Variants in HMCN1 observed in about 807,000 individuals in gnomAD.
HMCN1 encodes hemicentin-1.
Under a neutral mutation model 625.9 loss-of-function variants are expected in HMCN1, and 321 were observed. That is an observed-to-expected ratio of 0.51 (90% confidence interval 0.47 to 0.56). The LOEUF (loss-of-function observed/expected upper bound fraction) is 0.56, where lower values mean the gene tolerates loss of function less well. Among genes scored for constraint, HMCN1 ranks in the 20% least tolerant of loss-of-function variants. The pLI is 0.00. For missense variants in HMCN1, 6,588 were observed against 6,887.3 expected (o/e 0.96, Z 1.54); for synonymous variants, 2,425 against 2,417.6 (o/e 1.00, Z -0.09).
chr1:186,018,458 T>C (rs971748949), intron 34 of HMCN1, 106 bp downstream of exon 34: 1 of 1,152,206 alleles, frequency 8.7e-7, no homozygotes, highest in Non-Finnish European at 1.3e-6. Flanking sequence ...TCCTGAGTTG[T>C]GGAAGGTAGT....
intron 4 of HMCN1, among the ~76,000 whole-genome samples, chr1:185,890,199 CTTTT>C (rs200340023): frequency 0.037 from 5,469 of 148,630 alleles, 511 homozygotes; most frequent in African/African-American, 0.13. Context: ...AGTCTTCTCT[CTTTT>C]TTTCTTTATT....
At chr1:186,105,031 A>C (rs765466982) in intron 69 of HMCN1, among the ~76,000 whole-genome samples, 18 of 152,216 alleles carry the variant, frequency 1.2e-4, no homozygotes, top group Non-Finnish European at 2.5e-4. Flanking sequence ...CTTAAAGGCA[A>C]GAACAAAAAG....
intron 4 of HMCN1, among the ~76,000 whole-genome samples, chr1:185,877,321 C>CTTTTT (rs71557837): frequency 2.1e-3 from 72 of 34,910 alleles, no homozygotes; most frequent in African/African-American, 3.3e-3. Context: ...ATGTGTCTTT[C>CTTTTT]TTTTTTTTTT....
chr1:186,135,780 T>A (rs1649557706), intron 86 of HMCN1, among the ~76,000 whole-genome samples: 1 of 152,230 alleles, frequency 6.6e-6, no homozygotes, highest in Non-Finnish European at 1.5e-5. Flanking sequence ...TTCCCCTCCA[T>A]TTCCAGTGGC....
At position 185,977,858 on chromosome 1, in the gene HMCN1, T is replaced by C. The variant is rs545591725; in HGVS notation, c.2443T>C (p.Tyr815His). ...EIGSNVTLPCYVQGYPEPTIK... is the reference protein window; with the variant it reads ...EIGSNVTLPCHVQGYPEPTIK... ...TGGCTCAAATGTGACATTACCTTGTTATGTTCAGGGTTATCCAGAACCAAC... is the reference window on the plus strand; with the variant it reads ...TGGCTCAAATGTGACATTACCTTGTCATGTTCAGGGTTATCCAGAACCAAC... The change falls in exon 16 of 107, where the codon TAT (tyrosine) becomes CAT (histidine). Residue 815 changes from tyrosine (Y) to histidine (H), a missense_variant. Transcript: ENST00000271588. 8.6e-5 allele frequency: 139 copies of C among 1,612,746 alleles called. 2 individuals carry two copies. The South Asian group carries it at 1.5e-3, about 17-fold the overall frequency.
intron 1 of HMCN1, among the ~76,000 whole-genome samples, chr1:185,783,283 G>A (rs1257109751): frequency 6.6e-6 from 1 of 152,104 alleles, no homozygotes; most frequent in Admixed American, 6.5e-5. Context: ...TCTTTGCGAT[G>A]GGTTCAAAGT....
At chr1:185,960,968 G>C (rs754679412) in intron 11 of HMCN1, among the ~76,000 whole-genome samples, 1 of 152,074 alleles carries the variant, frequency 6.6e-6, no homozygotes, top group Non-Finnish European at 1.5e-5. Flanking sequence ...GCCATATTCA[G>C]TCTGCCCTTG....
chr1:186,002,454 TG>T (rs1467749262), intron 28 of HMCN1, among the ~76,000 whole-genome samples: 4 of 152,124 alleles, frequency 2.6e-5, no homozygotes, highest in Admixed American at 2.6e-4. Context: ...ATTCATAAAC[TG>T]CTATAACATA....
intron 1 of HMCN1, among the ~76,000 whole-genome samples, chr1:185,774,644 G>A (rs1656475700): frequency 6.6e-6 from 1 of 152,006 alleles, no homozygotes; most frequent in South Asian, 2.1e-4. Flanking sequence ...AATCCCCCGT[G>A]GAATGCACAG....
chr1:185,780,672 C>T (rs1557962536), intron 1 of HMCN1, among the ~76,000 whole-genome samples: 1 of 152,162 alleles, frequency 6.6e-6, no homozygotes, highest in Non-Finnish European at 1.5e-5. Flanking sequence ...GTATGTTGAA[C>T]CAGCCTTGCA....
Position 185,786,339 on chromosome 1 carries a change from G to A in HMCN1, c.268+51292G>A, listed in dbSNP as rs139317453. ...CTCTGCATGCATATTTAACCTTCTT[G>A]TTTTCCCATTAATGTTGATTATCCT... On this transcript the variant is annotated intron_variant, in intron 1 of 106. Coordinates refer to ENST00000271588, the MANE Select transcript of HMCN1 (RefSeq NM_031935.3). 2.2e-4 allele frequency among the ~76,000 whole-genome samples: 34 copies of A among 152,216 alleles called. 1 individual carries two copies. In the East Asian group the frequency reaches 6.4e-3, roughly 29 times the overall value.
chr1:185,833,755 G>A (rs1056527437), intron 1 of HMCN1, among the ~76,000 whole-genome samples: 2 of 151,814 alleles, frequency 1.3e-5, no homozygotes, highest in Admixed American at 1.3e-4. Context: ...ATATTTTAAG[G>A]ATTTTATATT....
At chr1:186,151,475 C>T (rs1257135176) in intron 94 of HMCN1, 126 bp downstream of exon 94, 2 of 1,255,618 alleles carry the variant, frequency 1.6e-6, no homozygotes, top group Admixed American at 1.9e-5. Flanking sequence ...AACAAACATA[C>T]ATGAGGTACT....
Position 186,057,259 on chromosome 1 carries a change from C to T in HMCN1, c.7170C>T (p.His2390=). 6.2e-7 allele frequency: 1 copy of T among 1,611,628 alleles called. No individual in the cohort carries two copies. Residue 2390 remains histidine (H), a synonymous_variant, in exon 46 of 107, where the codon CAC becomes CAT. Coordinates refer to ENST00000271588, the MANE Select transcript of HMCN1 (RefSeq NM_031935.3). ...CTCCTCCAAGCATCATAGGAAACCA[C>T]AGGTCACCTGAAAATATTAGTGTGG... is the stretch of plus-strand genomic sequence containing the variant. ...VHAPPSIIGN[H]RSPENISVVE...
intron 70 of HMCN1, among the ~76,000 whole-genome samples, chr1:186,108,222 A>G (rs912317243): frequency 2.0e-5 from 3 of 152,046 alleles, no homozygotes; most frequent in African/African-American, 4.8e-5. Context: ...AAATAATGCA[A>G]TTATATTACT....
Position 186,182,300 on chromosome 1 carries a change from T to G in HMCN1, c.16414+13T>G, listed in dbSNP as rs761720700. 6.2e-7 allele frequency: 1 copy of G among 1,613,040 alleles called. No homozygotes were observed. Among genetic ancestry groups the G allele is most frequent in the Admixed American group, 1.7e-5 (1 of 59,966 alleles). Reference sequence around the variant, plus strand: ...AAGACATGCCAAGGTGAGAAAACATTGGGATGTTTATTGTTGCAAACTTGA... The same window carrying G: ...AAGACATGCCAAGGTGAGAAAACATGGGGATGTTTATTGTTGCAAACTTGA... On this transcript the variant is annotated intron_variant, in intron 105 of 106. Coordinates refer to ENST00000271588, the MANE Select transcript of HMCN1 (RefSeq NM_031935.3).
chr1:185,768,506 T>C (rs1487528662), intron 1 of HMCN1, among the ~76,000 whole-genome samples: 1 of 152,184 alleles, frequency 6.6e-6, no homozygotes, highest in East Asian at 1.9e-4. Context: ...AGAGAGTGCA[T>C]ACCCTTATGC....
At chr1:185,969,439 C>G (rs1264726422) in intron 14 of HMCN1, among the ~76,000 whole-genome samples, 1 of 152,002 alleles carries the variant, frequency 6.6e-6, no homozygotes, top group Non-Finnish European at 1.5e-5. Context: ...ATTTGTTGCC[C>G]CGAGTCTGTT....
chr1:186,115,080 C>T (rs1661068673), intron 74 of HMCN1, 134 bp downstream of exon 74: 1 of 1,431,474 alleles, frequency 7.0e-7, no homozygotes, highest in South Asian at 1.2e-5. Flanking sequence ...ATAGCAAGCC[C>T]CAAGTTTTCT....
Sources: gnomAD v4.1 joint callset for allele counts (sites outside exome capture counted in the v4.1 genomes callset) on GRCh38, gnomAD v4.1.1 for gene constraint, MANE v1.5 for transcripts, NCBI Gene and HGNC (gene_info 2026-07-23, HGNC 2026-07-21) for gene names.